Variants in CSNK1G1 observed in about 807,000 individuals in gnomAD.
CSNK1G1 encodes casein kinase 1 gamma 1.
CSNK1G1 carries 22 observed loss-of-function variants against 59.6 expected under a neutral mutation model. The observed-to-expected ratio is 0.37, with a 90% confidence interval of 0.26 to 0.53. CSNK1G1 has a LOEUF of 0.53. Ranked by LOEUF, CSNK1G1 falls within the 20% of genes least tolerant of loss-of-function variation. CSNK1G1 has a pLI of 0.89. For missense variants in CSNK1G1, 384 were observed against 519.5 expected (o/e 0.74, Z 2.54); for synonymous variants, 179 against 177.1 (o/e 1.01, Z -0.08).
chr15:64,166,126 A>AC lies in CSNK1G1; in HGVS notation c.*5804dup. 1.8e-6 allele frequency: 1 copy of AC among 565,580 alleles called. No homozygotes were observed. Among genetic ancestry groups the AC allele is most frequent in the Non-Finnish European group, 3.1e-6 (1 of 319,336 alleles). 35.0% of individuals were successfully genotyped at this position (565,580 alleles called of 1,614,324 possible). On this transcript the variant is annotated 3_prime_UTR_variant, in exon 12 of 12. Coordinates refer to ENST00000303052, the MANE Select transcript of CSNK1G1 (RefSeq NM_022048.5). The surrounding 1 kb of genome is among the most constrained non-coding windows in gnomAD (Gnocchi z 4.5). ...AAAAGAGGCATTTAACAATAATCAG[A>AC]CACATCCACACATTAAAACTGATTT...
intron 2 of CSNK1G1, among the ~76,000 whole-genome samples, chr15:64,262,093 C>A (rs1432195726): frequency 6.6e-6 from 1 of 152,036 alleles, no homozygotes; most frequent in Non-Finnish European, 1.5e-5. Flanking sequence ...TGAGGTAGTA[C>A]AAGATTAACT....
intron 2 of CSNK1G1, among the ~76,000 whole-genome samples, chr15:64,291,528 C>A (rs192734253): frequency 6.6e-6 from 1 of 152,102 alleles, no homozygotes; most frequent in African/African-American, 2.4e-5. Flanking sequence ...GTGGAGGTTG[C>A]GGTGAGCTAA....
At chr15:64,220,501 C>CTTTTTTTTTTT (rs58347087) in intron 4 of CSNK1G1, among the ~76,000 whole-genome samples, 1 of 140,272 alleles carries the variant, frequency 7.1e-6, no homozygotes, top group Non-Finnish European at 1.6e-5. Flanking sequence ...GTGTATAACT[C>CTTTTTTTTTTT]TTTTTTTTTT....
At chr15:64,189,190 C>A (rs1315553369) in intron 10 of CSNK1G1, among the ~76,000 whole-genome samples, 1 of 152,132 alleles carries the variant, frequency 6.6e-6, no homozygotes, top group Admixed American at 6.6e-5. Flanking sequence ...TTCTAGCTAA[C>A]AGCGTCTAGA....
intron 1 of CSNK1G1, among the ~76,000 whole-genome samples, chr15:64,324,601 T>G (rs1243479328): frequency 3.3e-5 from 5 of 152,248 alleles, no homozygotes; most frequent in Non-Finnish European, 5.9e-5. Context: ...TCCCTACTTT[T>G]GAGGTTTTGG....
intron 6 of CSNK1G1, 137 bp from the exon 7 acceptor site, chr15:64,207,731 G>A (rs2082200875): frequency 4.7e-6 from 3 of 639,746 alleles, no homozygotes; most frequent in South Asian, 3.6e-5. Flanking sequence ...TTAAACCAAG[G>A]ATAGTATTTT....
chr15:64,258,842 A>G lies in CSNK1G1; in HGVS notation c.222+359T>C, dbSNP rs868171647. 5.9e-5 allele frequency among the ~76,000 whole-genome samples: 9 copies of G among 152,274 alleles called. 1 individual carries two copies. Among genetic ancestry groups the G allele is most frequent in the African/African-American group, 1.9e-4 (8 of 41,556 alleles). ...GATTTTCTTCTAAGTACAAAAAATA[A>G]ATCAGTTAAGTTAGAGAAAAAAACA... On this transcript the variant is annotated intron_variant, in intron 3 of 11. Coordinates refer to ENST00000303052, the MANE Select transcript of CSNK1G1 (RefSeq NM_022048.5).
chr15:64,174,978 G>A (rs1307191585), intron 11 of CSNK1G1, among the ~76,000 whole-genome samples: 1 of 151,412 alleles, frequency 6.6e-6, no homozygotes, highest in Non-Finnish European at 1.5e-5. Context: ...TGGTACCCAA[G>A]CTCTTTGGGG....
chr15:64,241,904 A>T (rs1891482682), intron 4 of CSNK1G1, among the ~76,000 whole-genome samples: 1 of 152,074 alleles, frequency 6.6e-6, no homozygotes, highest in South Asian at 2.1e-4. Context: ...AAGATCAATG[A>T]AACAAAAAGT....
chr15:64,229,374 T>C (rs1050526271), intron 4 of CSNK1G1, among the ~76,000 whole-genome samples: 7 of 152,186 alleles, frequency 4.6e-5, no homozygotes, highest in Non-Finnish European at 1.0e-4. Context: ...ATCCCGAGGA[T>C]GCCACAAGCC....
intron 2 of CSNK1G1, among the ~76,000 whole-genome samples, chr15:64,299,532 C>G (rs1371468373): frequency 6.6e-6 from 1 of 151,338 alleles, no homozygotes; most frequent in East Asian, 1.9e-4. Flanking sequence ...GCAGAGCTTG[C>G]AGTGAGCCGA....
rs552819795 is a variant in CSNK1G1, at chr15:64,259,082, C to T, written c.222+119G>A. ...ATGAAGAAAAATGTGGGATCATACA[C>T]AAAAAAAACCCCAAACCATTAGCAG... On this transcript the variant is annotated intron_variant, in intron 3 of 11. Coordinates refer to ENST00000303052, the MANE Select transcript of CSNK1G1 (RefSeq NM_022048.5). 177 of 766,162 alleles carry T rather than the reference C, an allele frequency of 2.3e-4. No homozygotes were observed. Among genetic ancestry groups the T allele is most frequent in the Middle Eastern group, 1.8e-3 (7 of 3,840 alleles). The allele number at this position is 766,162 out of a possible 1,614,324, so 47.5% of individuals were successfully genotyped here. A position where few individuals can be genotyped will look rare whatever the true frequency, so the allele number is the denominator to read the frequency against.
chr15:64,331,985 C>A (rs1002902885), intron 1 of CSNK1G1, among the ~76,000 whole-genome samples: 8 of 151,960 alleles, frequency 5.3e-5, no homozygotes, highest in Admixed American at 3.3e-4. Context: ...TACCATCTCA[C>A]ACCAGTTAGA....
intron 1 of CSNK1G1, among the ~76,000 whole-genome samples, chr15:64,330,747 C>T (rs1460076257): frequency 3.3e-5 from 2 of 61,332 alleles, no homozygotes; most frequent in Non-Finnish European, 6.5e-5. Flanking sequence ...TCCCTGTTTG[C>T]AGACGACATG....
rs2082285989 is a variant in CSNK1G1, at chr15:64,214,469, C to T, written c.445-345G>A. ...AGCATTTGAGACAAAAGAAGTATTCCCAGGTAGGATATCAAACTGTTGGTG... is the reference window on the plus strand; with the variant it reads ...AGCATTTGAGACAAAAGAAGTATTCTCAGGTAGGATATCAAACTGTTGGTG... On this transcript the variant is annotated intron_variant, in intron 5 of 11. Coordinates refer to ENST00000303052, the MANE Select transcript of CSNK1G1 (RefSeq NM_022048.5). The surrounding 1 kb of genome is among the most constrained non-coding windows in gnomAD (Gnocchi z 4.3). Among the ~76,000 whole-genome samples, 1 of 151,990 alleles carries T rather than the reference C, an allele frequency of 6.6e-6. No homozygotes were observed. Among genetic ancestry groups the T allele is most frequent in the African/African-American group, 2.4e-5 (1 of 41,374 alleles).
intron 1 of CSNK1G1, among the ~76,000 whole-genome samples, chr15:64,329,702 C>T (rs1200048350): frequency 1.7e-5 from 1 of 57,362 alleles, no homozygotes; most frequent in African/African-American, 7.2e-5. Flanking sequence ...AATAGAGACA[C>T]AAAAAACCCT....
chr15:64,194,948 A>AC (rs2082020870), intron 10 of CSNK1G1: 1 of 152,090 alleles, frequency 6.6e-6, no homozygotes, highest in Non-Finnish European at 1.5e-5. Context: ...TTCTGCGTTT[A>AC]TTTTTCCGTG....
intron 1 of CSNK1G1, among the ~76,000 whole-genome samples, chr15:64,337,279 G>A (rs1369735011): frequency 6.6e-6 from 1 of 151,974 alleles, no homozygotes; most frequent in East Asian, 1.9e-4. Context: ...AGAAACATAT[G>A]ACAAAAAAAT....
At chr15:64,185,081 T>C (rs1290071525) in intron 10 of CSNK1G1, among the ~76,000 whole-genome samples, 1 of 152,236 alleles carries the variant, frequency 6.6e-6, no homozygotes, top group African/African-American at 2.4e-5. Flanking sequence ...ATTATCTTCT[T>C]GCATTTAGGC....
Sources: gnomAD v4.1 joint callset for allele counts (sites outside exome capture counted in the v4.1 genomes callset) on GRCh38, gnomAD v4.1.1 for gene constraint, Gnocchi (gnomAD v3.1) non-coding constraint, MANE v1.5 for transcripts, NCBI Gene and HGNC (gene_info 2026-07-23, HGNC 2026-07-21) for gene names.